The following CDH12 variants were observed in gnomAD, a reference collection of about 807,000 sequenced individuals.
CDH12 encodes the protein cadherin 12.
In CDH12, 41 loss-of-function variants were observed where a neutral mutation model predicts 74.1. That is an observed-to-expected ratio of 0.55 (90% CI 0.43 to 0.72). The LOEUF is 0.72. Among genes scored for constraint, CDH12 ranks in the 30% least tolerant of loss-of-function variants. The pLI is 0.00. For synonymous variants in CDH12, 399 were observed against 355.0 expected, an observed-to-expected ratio of 1.12 and a Z score of -1.39; for missense variants, 945 against 977.2, an observed-to-expected ratio of 0.97 and a Z score of 0.44.
At chr5:22,055,160 G>A (rs932242273) in intron 5 of CDH12, among the ~76,000 whole-genome samples, 4 of 152,194 alleles carry the variant, frequency 2.6e-5, no homozygotes, top group African/African-American at 9.6e-5. Flanking sequence ...GTCCTATGCT[G>A]TAGATCAGTT....
intron 1 of CDH12, among the ~76,000 whole-genome samples, chr5:22,746,310 A>G (rs559841251): frequency 4.3e-4 from 65 of 152,272 alleles, no homozygotes; most frequent in South Asian, 1.2e-3. Context: ...ATCCCACAAC[A>G]ATAACAACAA....
intron 12 of CDH12, among the ~76,000 whole-genome samples, chr5:21,762,726 A>G (rs10473559): frequency 0.017 from 2,512 of 152,134 alleles, 62 homozygotes; most frequent in African/African-American, 0.056. Context: ...CCTTTTCTCA[A>G]CTCATCAAAT....
chr5:22,834,021 G>A (rs904879772), intron 1 of CDH12, among the ~76,000 whole-genome samples: 2 of 152,124 alleles, frequency 1.3e-5, no homozygotes, highest in African/African-American at 4.8e-5. Flanking sequence ...AGATAGACTA[G>A]ACAGCATGAC....
chr5:22,717,294 A>C (rs116144311), intron 1 of CDH12, among the ~76,000 whole-genome samples: 2 of 152,138 alleles, frequency 1.3e-5, no homozygotes, highest in Non-Finnish European at 2.9e-5. Flanking sequence ...TCAATGTTTA[A>C]ATACACAAAA....
intron 3 of CDH12, among the ~76,000 whole-genome samples, chr5:22,352,179 T>C (rs556491906): frequency 6.6e-5 from 10 of 152,014 alleles, no homozygotes; most frequent in Non-Finnish European, 1.5e-4. Context: ...CTCTTCATTA[T>C]CCAGCTCTCC....
rs188239741 is a variant in CDH12 at position 21,977,626 on chromosome 5, T to C, written c.232-2241A>G. Among the ~76,000 whole-genome samples the C allele has an allele frequency of 4.0e-3, 605 of 152,234 alleles. 10 individuals are homozygous for C. Among genetic ancestry groups the C allele is most frequent in the African/African-American group, 0.014 (572 of 41,562 alleles). On this transcript the variant is annotated intron_variant, in intron 5 of 14. Transcript: ENST00000382254. ...AAATTTCTGTATTTAGCTAAAATCA[T>C]AACTGTTTCCTTTGCAAACTGACAT...
At chr5:22,303,513 G>GA (rs1016909870) in intron 3 of CDH12, among the ~76,000 whole-genome samples, 4 of 151,674 alleles carry the variant, frequency 2.6e-5, no homozygotes, top group Non-Finnish European at 5.9e-5. Context: ...AGAATTAATG[G>GA]AAAAAAAGTG....
chr5:22,120,025 G>T (rs1273915168), intron 4 of CDH12, among the ~76,000 whole-genome samples: 1 of 152,134 alleles, frequency 6.6e-6, no homozygotes, highest in African/African-American at 2.4e-5. Flanking sequence ...TTGCCTTGCT[G>T]CCTGTTACTG....
At chr5:21,808,642 G>T (rs1262641370) in intron 9 of CDH12, among the ~76,000 whole-genome samples, 1 of 151,994 alleles carries the variant, frequency 6.6e-6, no homozygotes, top group Non-Finnish European at 1.5e-5. Flanking sequence ...TATTACACTA[G>T]GCTGAACAAT....
At chr5:22,219,597 A>C (rs970679175) in intron 3 of CDH12, among the ~76,000 whole-genome samples, 9 of 151,736 alleles carry the variant, frequency 5.9e-5, no homozygotes, top group African/African-American at 2.2e-4. Flanking sequence ...CATATATCAG[A>C]CTGTTGGTGA....
At chr5:21,772,426 C>T (rs551076112) in intron 11 of CDH12, among the ~76,000 whole-genome samples, 19 of 151,936 alleles carry the variant, frequency 1.3e-4, no homozygotes, top group African/African-American at 2.2e-4. Context: ...GCATATTTTT[C>T]GGAATATTTT....
intron 1 of CDH12, among the ~76,000 whole-genome samples, chr5:22,533,898 A>G (rs2126708067): frequency 6.6e-6 from 1 of 152,290 alleles, no homozygotes; most frequent in South Asian, 2.1e-4. Flanking sequence ...TACATTTCTC[A>G]TGTTTGAAGT....
intron 1 of CDH12, among the ~76,000 whole-genome samples, chr5:22,737,828 GATTCATTTAGCA>G (rs1447520573): frequency 2.0e-5 from 3 of 151,956 alleles, no homozygotes; most frequent in Non-Finnish European, 4.4e-5. Context: ...AGAATACATG[GATTCATTTAGCA>G]ATTCATAATT....
chr5:22,182,678 T>C (rs1285823900), intron 4 of CDH12, among the ~76,000 whole-genome samples: 2 of 152,188 alleles, frequency 1.3e-5, no homozygotes, highest in Non-Finnish European at 2.9e-5. Context: ...CTGCCTGGAC[T>C]GAAGATACTG....
intron 3 of CDH12, among the ~76,000 whole-genome samples, chr5:22,305,600 C>T (rs1473128892): frequency 6.6e-6 from 1 of 152,058 alleles, no homozygotes; most frequent in Non-Finnish European, 1.5e-5. Flanking sequence ...TGATCAGTCA[C>T]TGAATGCAGG....
chr5:22,732,202 G>C (rs1009767842), intron 1 of CDH12, among the ~76,000 whole-genome samples: 1 of 151,724 alleles, frequency 6.6e-6, no homozygotes, highest in African/African-American at 2.4e-5. Flanking sequence ...TTGGCTTATA[G>C]CTGCCAGTTT....
At chr5:21,849,653 A>G (rs1306855829) in intron 7 of CDH12, among the ~76,000 whole-genome samples, 2 of 151,758 alleles carry the variant, frequency 1.3e-5, no homozygotes, top group African/African-American at 4.8e-5. Flanking sequence ...GTGTTGGAAA[A>G]GACTCTTTTA....
chr5:22,662,869 C>T (rs1740422041), intron 1 of CDH12, among the ~76,000 whole-genome samples: 1 of 152,166 alleles, frequency 6.6e-6, no homozygotes, highest in Non-Finnish European at 1.5e-5. Context: ...CAGCCAGTCA[C>T]TCCTCCCCAA....
At chr5:22,012,800 A>G (rs370997891) in intron 5 of CDH12, among the ~76,000 whole-genome samples, 3 of 143,144 alleles carry the variant, frequency 2.1e-5, no homozygotes, top group African/African-American at 7.9e-5. Context: ...AGATGAAAAT[A>G]ACAATATCTA....
Sources: gnomAD v4.1 joint callset for allele counts (sites outside exome capture counted in the v4.1 genomes callset) on GRCh38, gnomAD v4.1.1 for gene constraint, MANE v1.5 for transcripts, NCBI Gene and HGNC (gene_info 2026-07-23, HGNC 2026-07-21) for gene names.